The following SMTNL1 variants were observed in gnomAD, a reference collection of about 807,000 sequenced individuals.
The protein encoded by SMTNL1 is smoothelin like 1, also known as smoothelin-like protein 1.
SMTNL1 carries 41 observed loss-of-function variants against 46.6 expected under a neutral mutation model. The ratio of observed to expected loss-of-function variants is 0.88; its 90% CI spans 0.69 to 1.14. SMTNL1 has a LOEUF of 1.14. SMTNL1 is among the 50% of genes most tolerant of loss of function. SMTNL1 has a pLI of 0.00. For synonymous variants in SMTNL1, 234 were observed against 234.2 expected, an observed-to-expected ratio of 1.00 and a Z score of 0.01; for missense variants, 591 against 626.1, an observed-to-expected ratio of 0.94 and a Z score of 0.60.
chr11:57,544,773 A>T (rs2135264587), intron 4 of SMTNL1, among the ~76,000 whole-genome samples: 1 of 151,968 alleles, frequency 6.6e-6, no homozygotes, highest in East Asian at 1.9e-4. Flanking sequence ...TATGCTTGCC[A>T]TTGCACAACT....
Position 57,543,739 on chromosome 11 carries a change from G to T in SMTNL1, c.848G>T (p.Gly283Val), listed in dbSNP as rs879564703. 18 of 1,562,702 alleles carry T rather than the reference G, an allele frequency of 1.2e-5. No homozygotes were observed. The highest frequency in any genetic ancestry group is 1.6e-5 in the Non-Finnish European group (18 of 1,153,570). ...EEWPESPTGEGHNLSTDGLGP... is the reference protein window; with the variant it reads ...EEWPESPTGEVHNLSTDGLGP... ...TGGCCTGAGAGCCCCACTGGGGAGG[G>T]GCACAACCTCAGCACAGGTGAGTGA... Residue 283 changes from glycine (G) to valine (V), a missense_variant, in exon 3 of 8, where the codon GGG becomes GTG. Physicochemically the swap from Gly to Val is moderately radical, Grantham distance 109. Coordinates refer to ENST00000527972, the MANE Select transcript of SMTNL1 (RefSeq NM_001105565.3).
At chr11:57,543,800 TG>T (rs767616803) in intron 3 of SMTNL1, 44 bp downstream of exon 3, 75 of 1,556,446 alleles carry the variant, frequency 4.8e-5, no homozygotes, top group Non-Finnish European at 6.3e-5. Flanking sequence ...AGAGGCCACC[TG>T]GGGGAGGGGC....
intron 4 of SMTNL1, 46 bp from the exon 5 acceptor site, chr11:57,545,835 T>C: frequency 6.4e-7 from 1 of 1,563,902 alleles, no homozygotes; most frequent in South Asian, 1.2e-5. Context: ...TGTCCTGCAG[T>C]GCTGGTCCCA....
chr11:57,545,660 A>G (rs1226673342), intron 4 of SMTNL1, among the ~76,000 whole-genome samples: 2 of 151,550 alleles, frequency 1.3e-5, no homozygotes, highest in African/African-American at 4.8e-5. Flanking sequence ...CAGACCTCAG[A>G]GGTGTCCTAG....
At chr11:57,540,728 T>TTTTTTTTA (rs1944867780) in intron 1 of SMTNL1, among the ~76,000 whole-genome samples, 1 of 151,798 alleles carries the variant, frequency 6.6e-6, no homozygotes, top group Non-Finnish European at 1.5e-5. Flanking sequence ...TTTTTTTTTT[T>TTTTTTTTA]GAGACGGAGT....
At chr11:57,541,592 C>T in intron 1 of SMTNL1, 2 of 1,364,094 alleles carry the variant, frequency 1.5e-6, no homozygotes, top group Non-Finnish European at 2.0e-6. Flanking sequence ...GAAACGCTTC[C>T]TTGCCCAGGC....
At chr11:57,538,398 G>A in intron 1 of SMTNL1, among the ~76,000 whole-genome samples, 1 of 152,168 alleles carries the variant, frequency 6.6e-6, no homozygotes, top group East Asian at 1.9e-4. Flanking sequence ...GTGCTGCTTT[G>A]GACACAAAAC....
At chr11:57,546,094 G>C in intron 5 of SMTNL1, 58 bp downstream of exon 5, 1 of 1,532,560 alleles carries the variant, frequency 6.5e-7, no homozygotes, top group East Asian at 2.3e-5. Flanking sequence ...GGGTTGGTGG[G>C]AGGGTGGCCT....
At chr11:57,549,685 T>C (rs1944943990) in intron 7 of SMTNL1, among the ~76,000 whole-genome samples, 1 of 152,194 alleles carries the variant, frequency 6.6e-6, no homozygotes, top group Admixed American at 6.5e-5. Flanking sequence ...TAAAACTCAT[T>C]ATTGAATTAT....
intron 1 of SMTNL1, among the ~76,000 whole-genome samples, chr11:57,538,571 G>A (rs1386643090): frequency 6.6e-6 from 1 of 152,236 alleles, no homozygotes; most frequent in Non-Finnish European, 1.5e-5. Context: ...CAACTGGTGG[G>A]GTGCCCCCAC....
chr11:57,543,763 G>A lies in SMTNL1; in HGVS notation c.865+7G>A. Reference sequence around the variant, plus strand: ...GGGCACAACCTCAGCACAGGTGAGTGAGAGCCCAGAGCCCATGGGATGCTG... The same window carrying A: ...GGGCACAACCTCAGCACAGGTGAGTAAGAGCCCAGAGCCCATGGGATGCTG... On this transcript the variant is annotated splice_region_variant and intron_variant, in intron 3 of 7. Transcript: ENST00000527972. 1 of 1,557,420 alleles carries A rather than the reference G, an allele frequency of 6.4e-7. No homozygotes were observed. The highest frequency in any genetic ancestry group is 1.2e-5 in the South Asian group (1 of 84,450).
chr11:57,546,168 C>T, intron 5 of SMTNL1, 65 bp from the exon 6 acceptor site: 2 of 1,515,008 alleles, frequency 1.3e-6, no homozygotes, highest in South Asian at 1.3e-5. Flanking sequence ...TGGGGATCCT[C>T]CCAGTGGGGC....
intron 1 of SMTNL1, among the ~76,000 whole-genome samples, chr11:57,538,489 T>G (rs1195992892): frequency 6.6e-6 from 1 of 152,160 alleles, no homozygotes; most frequent in Non-Finnish European, 1.5e-5. Flanking sequence ...GCAGAGAAAC[T>G]TTCATGAAGG....
rs748297217 is a variant in SMTNL1, at chr11:57,542,822, C to A, written c.180C>A (p.Asp60Glu). The change falls in exon 2 of 8, where the codon GAC becomes GAA. Residue 60 changes from aspartate (D) to glutamate (E), a missense_variant. Coordinates refer to ENST00000527972, the MANE Select transcript of SMTNL1 (RefSeq NM_001105565.3). ...SGKQEKAPAEDGMSAELQGEA... is the reference protein window; with the variant it reads ...SGKQEKAPAEEGMSAELQGEA... ...AGCAGGAAAAGGCACCAGCCGAGGA[C>A]GGCATGTCAGCAGAACTCCAGGGGG... is the stretch of plus-strand genomic sequence containing the variant. 1 of 1,613,496 alleles carries A rather than the reference C, an allele frequency of 6.2e-7. No individual in the cohort carries two copies. The highest frequency in any genetic ancestry group is 8.5e-7 in the Non-Finnish European group (1 of 1,179,770).
intron 1 of SMTNL1, chr11:57,541,399 C>A: frequency 2.3e-6 from 2 of 857,224 alleles, no homozygotes; most frequent in Non-Finnish European, 3.3e-6. Flanking sequence ...AGGGCAGGAG[C>A]ATGAAGGAGC....
chr11:57,548,938 G>C (rs758641482), intron 7 of SMTNL1, among the ~76,000 whole-genome samples: 5 of 152,108 alleles, frequency 3.3e-5, no homozygotes, highest in African/African-American at 4.8e-5. Context: ...TAAGTACATA[G>C]AGACTGAATG....
rs868549617 is a variant in SMTNL1, at chr11:57,545,888, T to C, written c.925T>C (p.Ser309Pro). The change falls in exon 5 of 8, where the codon TCA becomes CCA. Residue 309 changes from serine (S) to proline (P), a missense_variant. Transcript: ENST00000527972. ...TTGGACTTCTCCATATAGTGAGTCT[T>C]CACCCAGCGACGTGCCCCAGAGTCC... is the stretch of plus-strand genomic sequence containing the variant. The part of the protein sequence containing the change: ...GQTSPSASES[S>P]PSDVPQSPPE... The C allele has an allele frequency of 6.2e-7, 1 of 1,612,758 alleles. No individual in the cohort carries two copies.
At chr11:57,548,932 T>C (rs1033235346) in intron 7 of SMTNL1, among the ~76,000 whole-genome samples, 5 of 151,988 alleles carry the variant, frequency 3.3e-5, no homozygotes, top group Admixed American at 2.0e-4. Context: ...TCCTGATAAG[T>C]ACATAGAGAC....
In SMTNL1 at chr11:57,542,816, C is replaced by T. The variant is rs755524899; in HGVS notation, c.174C>T (p.Ala58=). The T allele has an allele frequency of 1.8e-5, 29 of 1,613,500 alleles. No individual in the cohort carries two copies. Among genetic ancestry groups the T allele is most frequent in the East Asian group, 6.7e-5 (3 of 44,842 alleles). The change falls in exon 2 of 8, where the codon GCC becomes GCT. Residue 58 remains alanine (A), a synonymous_variant. Coordinates refer to ENST00000527972, the MANE Select transcript of SMTNL1 (RefSeq NM_001105565.3). ...CAGGAAAGCAGGAAAAGGCACCAGC[C>T]GAGGACGGCATGTCAGCAGAACTCC... is the stretch of plus-strand genomic sequence containing the variant. ...TESGKQEKAP[A]EDGMSAELQG...
Sources: allele counts gnomAD v4.1 joint callset (sites outside exome capture counted in the v4.1 genomes callset), GRCh38; gene constraint gnomAD v4.1.1; transcripts MANE v1.5; gene names NCBI Gene and HGNC (gene_info 2026-07-23, HGNC 2026-07-21).